The following DMXL1 variants were observed in gnomAD, a reference collection of about 807,000 sequenced individuals.
DMXL1 encodes the protein Dmx like 1, also known as dmX-like protein 1.
In DMXL1, 99 loss-of-function variants were observed where a neutral mutation model predicts 319.2. That is an observed-to-expected ratio of 0.31 (90% CI 0.26 to 0.37). The LOEUF is 0.37. DMXL1 is among the 10% of genes least tolerant of loss of function. The pLI is 1.00. For missense variants in DMXL1, 3,745 were observed against 3,595.6 expected, an observed-to-expected ratio of 1.04 and a Z score of -1.06; for synonymous variants, 1,385 against 1,235.2, an observed-to-expected ratio of 1.12 and a Z score of -2.54.
chr5:119,121,262 CTTTTTTTTTTCT>C (rs1761984751), intron 9 of DMXL1, 123 bp downstream of exon 9: 2 of 646,684 alleles, frequency 3.1e-6, no homozygotes, highest in African/African-American at 4.0e-5. Flanking sequence ...GCCTATTTTT[CTTTTTTTTTTCT>C]TTTTTTTTAA....
intron 38 of DMXL1, among the ~76,000 whole-genome samples, chr5:119,227,828 T>G (rs1199334986): frequency 6.6e-6 from 1 of 152,188 alleles, no homozygotes; most frequent in African/African-American, 2.4e-5. Context: ...AGATTCTTAC[T>G]GAACTTATGC....
chr5:119,087,833 G>A (rs948418929), intron 1 of DMXL1, among the ~76,000 whole-genome samples: 10 of 151,834 alleles, frequency 6.6e-5, no homozygotes, highest in Admixed American at 2.6e-4. Flanking sequence ...ACAGAGTCTC[G>A]TTCTGTTGCC....
intron 9 of DMXL1, among the ~76,000 whole-genome samples, chr5:119,124,006 A>G (rs955177032): frequency 6.6e-6 from 1 of 151,488 alleles, no homozygotes; most frequent in African/African-American, 2.4e-5. Context: ...TTTAACATTC[A>G]TATCAAAAGT....
intron 1 of DMXL1, among the ~76,000 whole-genome samples, chr5:119,074,317 C>T (rs1750330947): frequency 6.6e-6 from 1 of 152,204 alleles, no homozygotes; most frequent in Non-Finnish European, 1.5e-5. Flanking sequence ...AAATATCCCT[C>T]AGTTGCATTT....
In DMXL1 at chr5:119,224,691, A is replaced by G; in HGVS notation, c.8278-18A>G. 1 of 1,032,988 alleles carries G rather than the reference A, an allele frequency of 9.7e-7. No homozygotes were observed. The highest frequency in any genetic ancestry group is 1.4e-6 in the Non-Finnish European group (1 of 737,998). The allele number at this position is 1,032,988 out of a possible 1,614,324, so 64.0% of individuals were successfully genotyped here. ...TCCTTTTTATTATGCCTATAAAATA[A>G]TTTTTCTATTTTACCAGATGATTAA... On this transcript the variant is annotated intron_variant, in intron 37 of 43. Transcript: ENST00000539542.
intron 1 of DMXL1, among the ~76,000 whole-genome samples, chr5:119,080,596 T>C (rs891399624): frequency 1.3e-5 from 2 of 152,236 alleles, no homozygotes; most frequent in Admixed American, 1.3e-4. Flanking sequence ...AATTTTAATA[T>C]ATTTCCACTT....
chr5:119,195,085 C>CA lies in DMXL1; in HGVS notation c.7457+1123dup, dbSNP rs934842268. 1.1e-3 allele frequency among the ~76,000 whole-genome samples: 166 copies of CA among 146,472 alleles called. 1 individual carries two copies. Among genetic ancestry groups the CA allele is most frequent in the Non-Finnish European group, 3.4e-4 (22 of 65,326 alleles). On this transcript the variant is annotated intron_variant, in intron 30 of 43. Transcript: ENST00000539542. ...ACCAAAAAAAAAACAAAAACAAAAA[C>CA]AAAAAAAATAACAGTGCTGGCAAGG...
intron 9 of DMXL1, among the ~76,000 whole-genome samples, chr5:119,123,176 G>A (rs1317240846): frequency 2.0e-5 from 3 of 152,022 alleles, no homozygotes; most frequent in South Asian, 4.2e-4. Flanking sequence ...AGCGGCGCGC[G>A]CCTGCAATCG....
intron 30 of DMXL1, among the ~76,000 whole-genome samples, chr5:119,195,240 A>G (rs748527296): frequency 1.3e-5 from 2 of 152,226 alleles, no homozygotes; most frequent in Admixed American, 6.5e-5. Flanking sequence ...CATTTCCACT[A>G]TGGATATATA....
Position 119,244,483 on chromosome 5 carries a change from G to C in DMXL1, c.8829G>C (p.Gln2943His), listed in dbSNP as rs1290142237. 6.2e-7 allele frequency: 1 copy of C among 1,614,144 alleles called. No homozygotes were observed. Among genetic ancestry groups the C allele is most frequent in the South Asian group, 1.1e-5 (1 of 91,088 alleles). ...ACCTTTGTCAACGACAACAGAGGCA[G>C]CTTTTCCAGAGCCATGATTCTCCTG... ...VFDLCQRQQR[Q>H]LFQSHDSPVK... Residue 2943 changes from glutamine (Q) to histidine (H), a missense_variant, in exon 43 of 44, where the codon CAG becomes CAC. This residue lies in a region of DMXL1 where 262 missense variants were observed against 320.5 expected (regional missense o/e 0.82). Transcript: ENST00000539542.
intron 18 of DMXL1, among the ~76,000 whole-genome samples, chr5:119,151,149 T>G (rs999393005): frequency 6.6e-6 from 1 of 151,808 alleles, no homozygotes; most frequent in African/African-American, 2.4e-5. Context: ...AAACATTGAG[T>G]TTTTTTTAAA....
chr5:119,239,821 G>GT (rs1296773977), intron 41 of DMXL1, among the ~76,000 whole-genome samples: 1 of 151,792 alleles, frequency 6.6e-6, no homozygotes, highest in African/African-American at 2.4e-5. Context: ...GCCAGGCGTG[G>GT]TGGCAGGTGC....
rs1362374209 is a variant in DMXL1, at chr5:119,071,321, A to T, written c.-249A>T. Reference sequence around the variant, plus strand: ...GAGCTTCACCTGGGCTAGCGCGGGGAGTGACAGGTGCGCGAAGGAGCGCGG... The same window carrying T: ...GAGCTTCACCTGGGCTAGCGCGGGGTGTGACAGGTGCGCGAAGGAGCGCGG... On this transcript the variant is annotated 5_prime_UTR_variant, in exon 1 of 44. Coordinates refer to ENST00000539542, the MANE Select transcript of DMXL1 (RefSeq NM_001290321.3). The T allele has an allele frequency of 8.0e-6, 4 of 500,728 alleles. No individual in the cohort carries two copies. The African/African-American group carries it at 8.4e-5, about 10-fold the overall frequency. The allele number at this position is 500,728 out of a possible 1,614,324, so 31.0% of individuals were successfully genotyped here.
chr5:119,100,934 C>T (rs543481638), intron 2 of DMXL1, among the ~76,000 whole-genome samples: 28 of 134,354 alleles, frequency 2.1e-4, no homozygotes, highest in South Asian at 1.7e-3. Flanking sequence ...CGCCTGCCAT[C>T]GCCCGGCTAA....
chr5:119,170,086 A>G, intron 23 of DMXL1, 104 bp from the exon 24 acceptor site: 1 of 1,267,442 alleles, frequency 7.9e-7, no homozygotes, highest in South Asian at 1.7e-5. Context: ...ATTTTGTCAA[A>G]AGACTCTTTA....
At chr5:119,209,310 T>G (rs1782319703) in intron 34 of DMXL1, among the ~76,000 whole-genome samples, 1 of 152,138 alleles carries the variant, frequency 6.6e-6, no homozygotes, top group Admixed American at 6.5e-5. Flanking sequence ...GTACCATTTA[T>G]GTATATTCTC....
At chr5:119,189,636 C>T in intron 28 of DMXL1, 72 bp from the exon 29 acceptor site, 2 of 1,417,790 alleles carry the variant, frequency 1.4e-6, no homozygotes, top group Non-Finnish European at 2.0e-6. Context: ...AACCTTAGCT[C>T]TTATGTAAAC....
intron 1 of DMXL1, 109 bp from the exon 2 acceptor site, chr5:119,097,870 T>A: frequency 2.8e-6 from 3 of 1,069,770 alleles, no homozygotes; most frequent in Non-Finnish European, 3.9e-6. Flanking sequence ...AAATTGGTCT[T>A]TTAAAACATT....
chr5:119,210,757 GTTTTT>G, intron 34 of DMXL1, among the ~76,000 whole-genome samples: 12 of 89,778 alleles, frequency 1.3e-4, no homozygotes, highest in African/African-American at 4.9e-4. Flanking sequence ...TTTTTCTTTC[GTTTTT>G]TTTTTTTTTT....
Sources: gnomAD v4.1 joint callset for allele counts (sites outside exome capture counted in the v4.1 genomes callset) on GRCh38, gnomAD v4.1.1 for gene constraint, gnomAD v4.1.1 regional missense constraint, MANE v1.5 for transcripts, NCBI Gene and HGNC (gene_info 2026-07-23, HGNC 2026-07-21) for gene names.